Variants in VAV3 observed in about 807,000 individuals in gnomAD.
The protein encoded by VAV3 is vav guanine nucleotide exchange factor 3.
Under a neutral mutation model 131.2 loss-of-function variants are expected in VAV3, and 94 were observed. The ratio of observed to expected loss-of-function variants is 0.72; its 90% confidence interval spans 0.61 to 0.85. The LOEUF (loss-of-function observed/expected upper bound fraction) is 0.85, where lower values mean the gene tolerates loss of function less well. Among genes scored for constraint, VAV3 ranks in the 40% least tolerant of loss-of-function variants. The probability of loss-of-function intolerance (pLI) is 0.00; values close to 1 mark genes in which losing one functional copy is unlikely to be tolerated. For missense variants in VAV3, 939 were observed against 1,002.7 expected (o/e 0.94, Z 0.86); for synonymous variants, 349 against 342.0 (o/e 1.02, Z -0.22).
intron 2 of VAV3, among the ~76,000 whole-genome samples, chr1:107,836,122 C>A (rs1451561647): frequency 6.6e-6 from 1 of 152,160 alleles, no homozygotes; most frequent in Non-Finnish European, 1.5e-5. Flanking sequence ...GACAGATCAT[C>A]GAGGCAGAAA....
At chr1:107,580,420 AT>A (rs1020319970) in intron 25 of VAV3, among the ~76,000 whole-genome samples, 16 of 150,464 alleles carry the variant, frequency 1.1e-4, no homozygotes, top group Admixed American at 2.0e-4. Context: ...AATAACTATT[AT>A]TTTTTTTTTC....
Position 107,673,035 on chromosome 1 carries a change from C to T in VAV3, c.1777+10453G>A, listed in dbSNP as rs142084966. Among the ~76,000 whole-genome samples, 811 of 152,166 alleles carry T rather than the reference C, an allele frequency of 5.3e-3. 8 individuals carry two copies. Among genetic ancestry groups the T allele is most frequent in the African/African-American group, 0.018 (739 of 41,514 alleles). On this transcript the variant is annotated intron_variant, in intron 19 of 26. Transcript: ENST00000370056. ...TGACCCAGATATTGTACCTCTATGA[C>T]GCCATTGTTAAATAATAATCAGCCA...
At chr1:107,782,694 T>C (rs1239460937) in intron 2 of VAV3, among the ~76,000 whole-genome samples, 1 of 152,208 alleles carries the variant, frequency 6.6e-6, no homozygotes, top group African/African-American at 2.4e-5. Context: ...AAATAAAGAC[T>C]GTTTAGTCAA....
intron 1 of VAV3, among the ~76,000 whole-genome samples, chr1:107,889,690 G>T (rs1671224123): frequency 6.6e-6 from 1 of 152,160 alleles, no homozygotes; most frequent in Admixed American, 6.5e-5. Flanking sequence ...AACTACTGAA[G>T]AAATAGCCTA....
chr1:107,717,693 G>A (rs977706756), intron 15 of VAV3, among the ~76,000 whole-genome samples: 6 of 152,200 alleles, frequency 3.9e-5, no homozygotes, highest in African/African-American at 1.4e-4. Flanking sequence ...GTGATGTGGT[G>A]CTGAGAAGAA....
chr1:107,874,183 G>A (rs1670379097), intron 2 of VAV3, among the ~76,000 whole-genome samples: 1 of 152,008 alleles, frequency 6.6e-6, no homozygotes, highest in Non-Finnish European at 1.5e-5. Context: ...ACTCTTTTAT[G>A]GCTAGTTACT....
intron 1 of VAV3, among the ~76,000 whole-genome samples, chr1:107,925,323 T>C (rs1673096513): frequency 6.6e-6 from 1 of 152,112 alleles, no homozygotes; most frequent in Non-Finnish European, 1.5e-5. Flanking sequence ...TATAATTATT[T>C]AAAGAAGGTA....
intron 2 of VAV3, among the ~76,000 whole-genome samples, chr1:107,871,926 C>A (rs1205570807): frequency 6.6e-6 from 1 of 152,182 alleles, no homozygotes; most frequent in Non-Finnish European, 1.5e-5. Context: ...ACTTTAACCA[C>A]CACTGGGCTG....
intron 1 of VAV3, among the ~76,000 whole-genome samples, chr1:107,901,245 A>G (rs1356336462): frequency 6.6e-6 from 1 of 152,174 alleles, no homozygotes; most frequent in Non-Finnish European, 1.5e-5. Flanking sequence ...CCCATAACCT[A>G]CTAGTTTAAG....
At chr1:107,715,329 A>G (rs1013455069) in intron 15 of VAV3, among the ~76,000 whole-genome samples, 1 of 152,186 alleles carries the variant, frequency 6.6e-6, no homozygotes, top group African/African-American at 2.4e-5. Context: ...GCTAGATGCT[A>G]CTTCTATTAC....
Position 107,753,545 on chromosome 1 carries a change from T to C in VAV3, c.1173+1882A>G, listed in dbSNP as rs1258993932. Among the ~76,000 whole-genome samples, 30 of 59,866 alleles carry C rather than the reference T, an allele frequency of 5.0e-4. No individual in the cohort carries two copies. In the East Asian group the frequency reaches 8.5e-3, roughly 17 times the overall value. The allele number at this position is 59,866 out of a possible 152,430, so 39.3% of individuals were successfully genotyped here. A position where few individuals can be genotyped will look rare whatever the true frequency, so the allele number is the denominator to read the frequency against. On this transcript the variant is annotated intron_variant, in intron 12 of 26. Transcript: ENST00000370056. ...ATATATACGTATATATATATATATA[T>C]ATATACACACACACACTTTTTTTTT...
At chr1:107,669,539 T>C (rs1657634327) in intron 19 of VAV3, 1 of 1,252,978 alleles carries the variant, frequency 8.0e-7, no homozygotes. Context: ...ATGGATCCAT[T>C]CCTATCTTTG....
chr1:107,644,286 G>A (rs1369012376), intron 19 of VAV3, among the ~76,000 whole-genome samples: 1 of 152,126 alleles, frequency 6.6e-6, no homozygotes, highest in African/African-American at 2.4e-5. Flanking sequence ...CCAACAGGTG[G>A]AAGAGGATGT....
intron 17 of VAV3, among the ~76,000 whole-genome samples, chr1:107,700,512 C>T (rs10881478): frequency 0.6 from 91,172 of 151,944 alleles, 27,674 homozygotes; most frequent in Non-Finnish European, 0.63. Context: ...TCCATGTGTT[C>T]TCATTGTTCA....
At chr1:107,888,884 T>A (rs957141821) in intron 1 of VAV3, among the ~76,000 whole-genome samples, 1 of 152,154 alleles carries the variant, frequency 6.6e-6, no homozygotes, top group Non-Finnish European at 1.5e-5. Context: ...GCACGCACAC[T>A]CCTCTGAATT....
rs113246563 is a variant in VAV3 at position 107,870,967 on chromosome 1, T to C, written c.321+3934A>G. ...GACTTCTATTACGCTCTAGAAATTG[T>C]CTCATTAAAGAAAAAATCCCATGTG... On this transcript the variant is annotated intron_variant, in intron 2 of 26. Coordinates refer to ENST00000370056, the MANE Select transcript of VAV3 (RefSeq NM_006113.5). 8.9e-3 allele frequency among the ~76,000 whole-genome samples: 1,362 copies of C among 152,272 alleles called. 10 individuals carry two copies. Among genetic ancestry groups the C allele is most frequent in the Non-Finnish European group, 0.012 (839 of 68,020 alleles).
At chr1:107,609,553 A>AAT (rs1557700637) in intron 22 of VAV3, 14 of 156,758 alleles carry the variant, frequency 8.9e-5, no homozygotes, top group Non-Finnish European at 1.4e-4. Context: ...TAAAAAATAA[A>AAT]AAAAAAAACT....
chr1:107,890,953 G>A (rs1185218778), intron 1 of VAV3, among the ~76,000 whole-genome samples: 1 of 152,138 alleles, frequency 6.6e-6, no homozygotes, highest in Non-Finnish European at 1.5e-5. Flanking sequence ...CAGATGTGGT[G>A]TAGGGTTTTA....
At position 107,573,338 on chromosome 1, in the gene VAV3, T is replaced by A; in HGVS notation, c.2537A>T (p.Asp846Val). Residue 846 changes from aspartate to valine, a missense_variant, in exon 27 of 27, where the codon GAT (aspartate) becomes GTT (valine). Asp to Val is a radical substitution (Grantham distance 152). Coordinates refer to ENST00000370056, the MANE Select transcript of VAV3 (RefSeq NM_006113.5). ...GWFPSTYVEE[D>V]E ...GCAACACGGGATTTGAATTTATTCA[T>A]CCTCTTCCACATATGTGGATGGAAA... The A allele has an allele frequency of 6.2e-7, 1 of 1,614,126 alleles. No homozygotes were observed. The highest frequency in any genetic ancestry group is 8.5e-7 in the Non-Finnish European group (1 of 1,180,004).
Sources: gnomAD v4.1 joint callset for allele counts (sites outside exome capture counted in the v4.1 genomes callset) on GRCh38, gnomAD v4.1.1 for gene constraint, MANE v1.5 for transcripts, NCBI Gene and HGNC (gene_info 2026-07-23, HGNC 2026-07-21) for gene names.